NCBP1: variants seen among roughly 807,000 people sequenced by gnomAD.
The protein encoded by NCBP1 is nuclear cap binding protein subunit 1, also known as nuclear cap-binding protein subunit 1.
In NCBP1, 16 loss-of-function variants were observed where a neutral mutation model predicts 111.7. That is an observed-to-expected ratio of 0.14 (90% CI 0.10 to 0.22). The LOEUF is 0.22. Among genes scored for constraint, NCBP1 ranks in the 10% least tolerant of loss-of-function variants. The pLI, the probability that NCBP1 is intolerant of heterozygous loss-of-function variation, is 1.00. For missense variants in NCBP1, 607 were observed against 957.5 expected, an observed-to-expected ratio of 0.63 and a Z score of 4.83; for synonymous variants, 304 against 314.3, an observed-to-expected ratio of 0.97 and a Z score of 0.35.
intron 1 of NCBP1, among the ~76,000 whole-genome samples, chr9:97,639,137 C>T (rs1037398616): frequency 6.6e-6 from 1 of 152,150 alleles, no homozygotes; most frequent in African/African-American, 2.4e-5. Context: ...GGAATAAATA[C>T]ATCTCAGCTC....
chr9:97,672,903 C>T lies in NCBP1; in HGVS notation c.*1704C>T, dbSNP rs1211404910. 3.3e-5 allele frequency: 5 copies of T among 152,716 alleles called. No homozygotes were observed. Among genetic ancestry groups the T allele is most frequent in the African/African-American group, 4.8e-5 (2 of 41,382 alleles). The allele number at this position is 152,716 out of a possible 1,614,324, so 9.5% of individuals were successfully genotyped here. A position where few individuals can be genotyped will look rare whatever the true frequency, so the allele number is the denominator to read the frequency against. ...CAGCACTTTGGGAGGCTGAGGCGGG[C>T]GGATCACAAGGTCAGGAGATTGAGA... On this transcript the variant is annotated 3_prime_UTR_variant, in exon 23 of 23. Coordinates refer to ENST00000375147, the MANE Select transcript of NCBP1 (RefSeq NM_002486.5).
chr9:97,643,240 A>G lies in NCBP1; in HGVS notation c.261A>G (p.Thr87=). The G allele has an allele frequency of 6.2e-7, 1 of 1,609,654 alleles. No individual in the cohort carries two copies. Among genetic ancestry groups the G allele is most frequent in the South Asian group, 1.1e-5 (1 of 90,116 alleles). The change falls in exon 4 of 23, where the codon ACA becomes ACG. Residue 87 remains threonine, a synonymous_variant. Transcript: ENST00000375147. ...TACCTGAGAAGCTGACAATTTATAC[A>G]ACATTAGTTGGACTACTGAATGCCA... ...RLLPEKLTIY[T]TLVGLLNARN... is the part of the protein sequence containing the mutation.
At chr9:97,651,171 A>T in intron 9 of NCBP1, 139 bp from the exon 10 acceptor site, 1 of 542,768 alleles carries the variant, frequency 1.8e-6, no homozygotes, top group Non-Finnish European at 3.0e-6. Context: ...TGCCATAGTT[A>T]AATGAAGTAA....
intron 8 of NCBP1, among the ~76,000 whole-genome samples, chr9:97,650,252 T>C (rs571502683): frequency 6.6e-6 from 1 of 152,288 alleles, no homozygotes; most frequent in African/African-American, 2.4e-5. Flanking sequence ...TAATAATTGG[T>C]GTGTAAAGTA....
At chr9:97,660,862 A>T in intron 15 of NCBP1, 84 bp from the exon 16 acceptor site, 1 of 1,463,818 alleles carries the variant, frequency 6.8e-7, no homozygotes, top group Admixed American at 2.5e-5. Flanking sequence ...ATTTAAAAAA[A>T]ATTTTTCTCA....
In NCBP1 at chr9:97,647,994, TA is replaced by T. The variant is rs1564020846; in HGVS notation, c.682-12del. 4.4e-6 allele frequency: 7 copies of T among 1,575,260 alleles called. No individual in the cohort carries two copies. Among genetic ancestry groups the T allele is most frequent in the Non-Finnish European group, 5.2e-6 (6 of 1,153,558 alleles). On this transcript the variant is annotated splice_polypyrimidine_tract_variant and intron_variant, in intron 7 of 22. Coordinates refer to ENST00000375147, the MANE Select transcript of NCBP1 (RefSeq NM_002486.5). ...GTTAATTATATTAATGATTAAAAAT[TA>T]ATCTGTCTTTAGTATTTAGATTGCC...
intron 20 of NCBP1, among the ~76,000 whole-genome samples, chr9:97,668,319 G>C (rs965646339): frequency 3.9e-5 from 6 of 152,140 alleles, no homozygotes; most frequent in Admixed American, 3.9e-4. Context: ...AAACTCTTCA[G>C]AGTGAGCTGG....
chr9:97,644,332 A>T (rs1217907700), intron 4 of NCBP1, among the ~76,000 whole-genome samples: 2 of 152,126 alleles, frequency 1.3e-5, no homozygotes, highest in Non-Finnish European at 2.9e-5. Flanking sequence ...TAACTTGCAG[A>T]TCCCTAAACA....
rs1587729110 is a variant in NCBP1, at chr9:97,668,749, A to C, written c.2017-97A>C. The C allele has an allele frequency of 2.2e-6, 3 of 1,361,662 alleles. No individual in the cohort carries two copies. The East Asian group carries it at 7.6e-5, about 35-fold the overall frequency. 84.3% of individuals were successfully genotyped at this position (1,361,662 alleles called of 1,614,324 possible). A position where few individuals can be genotyped will look rare whatever the true frequency, so the allele number is the denominator to read the frequency against. On this transcript the variant is annotated intron_variant, in intron 20 of 22. Coordinates refer to ENST00000375147, the MANE Select transcript of NCBP1 (RefSeq NM_002486.5). The stretch of plus-strand genomic sequence containing the variant: ...ACTTTCACTATAGAATATAAGTCTT[A>C]ACATTTGGCCAGACACAGTAAAATG...
In NCBP1 at chr9:97,655,111, G is replaced by A. The variant is rs183912097; in HGVS notation, c.1235+167G>A. Among the ~76,000 whole-genome samples, 63 of 152,226 alleles carry A rather than the reference G, an allele frequency of 4.1e-4. 1 individual carries two copies. The highest frequency in any genetic ancestry group is 1.3e-3 in the African/African-American group (55 of 41,538). On this transcript the variant is annotated intron_variant, in intron 12 of 22. Transcript: ENST00000375147. ...AGACTCATACTTAATGTAACATTACGTTTTTTGATGTCCATGCTATGATTT... is the reference window on the plus strand; with the variant it reads ...AGACTCATACTTAATGTAACATTACATTTTTTGATGTCCATGCTATGATTT...
intron 4 of NCBP1, among the ~76,000 whole-genome samples, chr9:97,644,843 C>T (rs1024197997): frequency 2.0e-5 from 3 of 152,146 alleles, no homozygotes; most frequent in African/African-American, 4.8e-5. Flanking sequence ...ACTGAATGAG[C>T]GTGGCTATTC....
intron 10 of NCBP1, among the ~76,000 whole-genome samples, chr9:97,652,577 G>A (rs1299476655): frequency 1.3e-5 from 2 of 152,208 alleles, no homozygotes; most frequent in African/African-American, 4.8e-5. Flanking sequence ...CTGAAATTGT[G>A]CCTCTGCACT....
At chr9:97,656,864 T>C (rs1194262146) in intron 14 of NCBP1, among the ~76,000 whole-genome samples, 2 of 152,154 alleles carry the variant, frequency 1.3e-5, no homozygotes, top group African/African-American at 4.8e-5. Flanking sequence ...GATCAGAAAA[T>C]TAGCTGTGGT....
intron 1 of NCBP1, among the ~76,000 whole-genome samples, chr9:97,635,405 A>G (rs140778530): frequency 7.2e-4 from 102 of 142,024 alleles, no homozygotes; most frequent in Non-Finnish European, 1.3e-3. Flanking sequence ...AGAAAATACA[A>G]TTCCCTCCCT....
At chr9:97,641,355 C>T (rs551983715) in intron 2 of NCBP1, among the ~76,000 whole-genome samples, 1 of 152,094 alleles carries the variant, frequency 6.6e-6, no homozygotes, top group East Asian at 1.9e-4. Flanking sequence ...CCCATTATAG[C>T]TCTGTATGCA....
chr9:97,664,936 C>G (rs1827949326), intron 19 of NCBP1, among the ~76,000 whole-genome samples: 2 of 152,162 alleles, frequency 1.3e-5, no homozygotes, highest in African/African-American at 4.8e-5. Flanking sequence ...CAGTCATAAT[C>G]TTAGGTTTAA....
At chr9:97,663,176 A>T in intron 18 of NCBP1, 129 bp downstream of exon 18, 1 of 686,524 alleles carries the variant, frequency 1.5e-6, no homozygotes, top group Non-Finnish European at 2.5e-6. Context: ...TTTTAGATCT[A>T]ATTCTTTCAG....
intron 6 of NCBP1, 112 bp from the exon 7 acceptor site, chr9:97,647,380 A>T: frequency 1.3e-6 from 1 of 750,090 alleles, no homozygotes; most frequent in East Asian, 2.7e-5. Context: ...CTGCCACTCC[A>T]GTAGGTAAAA....
chr9:97,655,318 C>T (rs1827619235), intron 12 of NCBP1, among the ~76,000 whole-genome samples: 1 of 152,156 alleles, frequency 6.6e-6, no homozygotes, highest in African/African-American at 2.4e-5. Context: ...TCAAGCAATC[C>T]TCCTGCCTTA....
Sources: gnomAD v4.1 joint callset for allele counts (sites outside exome capture counted in the v4.1 genomes callset) on GRCh38, gnomAD v4.1.1 for gene constraint, MANE v1.5 for transcripts, NCBI Gene and HGNC (gene_info 2026-07-23, HGNC 2026-07-21) for gene names.